R3HDM2: variants seen among roughly 807,000 people sequenced by gnomAD.
The protein encoded by R3HDM2 is R3H domain containing 2, also known as R3H domain-containing protein 2.
In R3HDM2, 38 loss-of-function variants were observed where a neutral mutation model predicts 124.5. That is an observed-to-expected ratio of 0.31 (90% CI 0.24 to 0.40). R3HDM2 has a LOEUF of 0.40. Ranked by LOEUF, R3HDM2 falls within the 10% of genes least tolerant of loss-of-function variation. R3HDM2 has a pLI of 1.00. For synonymous variants in R3HDM2, 391 were observed against 448.0 expected, an observed-to-expected ratio of 0.87 and a Z score of 1.61; for missense variants, 869 against 1,236.9, an observed-to-expected ratio of 0.70 and a Z score of 4.46.
At chr12:57,363,779 G>A (rs574583130) in intron 2 of R3HDM2, among the ~76,000 whole-genome samples, 1 of 152,074 alleles carries the variant, frequency 6.6e-6, no homozygotes, top group Non-Finnish European at 1.5e-5. Flanking sequence ...GGCTGAGGTT[G>A]GAGGACTGTC....
chr12:57,354,043 A>C (rs1258464963), intron 2 of R3HDM2, among the ~76,000 whole-genome samples: 14 of 151,832 alleles, frequency 9.2e-5, no homozygotes, highest in Admixed American at 9.2e-4. Flanking sequence ...TAGTAGAGAC[A>C]GGGTTTCACC....
At chr12:57,355,484 AAAAG>A (rs981004171) in intron 2 of R3HDM2, among the ~76,000 whole-genome samples, 56 of 151,810 alleles carry the variant, frequency 3.7e-4, no homozygotes, top group African/African-American at 1.1e-3. Flanking sequence ...AAAGAAAAAA[AAAAG>A]AAAGAAACAC....
chr12:57,290,257 G>GT (rs2048315169), intron 11 of R3HDM2, among the ~76,000 whole-genome samples: 1 of 152,212 alleles, frequency 6.6e-6, no homozygotes, highest in Non-Finnish European at 1.5e-5. Flanking sequence ...TTTTCCAGGT[G>GT]TAAGTGAAGC....
Position 57,345,371 on chromosome 12 carries a change from T to C in R3HDM2, c.-35-34908A>G, listed in dbSNP as rs140591676. On this transcript the variant is annotated intron_variant, in intron 2 of 23. Transcript: ENST00000402412. ...AGGATAAACACAAACAAATCCATGA[T>C]AAACTCCTGGATTCATCATAACCTA... Among the ~76,000 whole-genome samples the C allele has an allele frequency of 3.4e-4, 51 of 152,142 alleles. 1 individual carries two copies. The East Asian group carries it at 8.9e-3, about 26-fold the overall frequency.
intron 2 of R3HDM2, among the ~76,000 whole-genome samples, chr12:57,386,481 T>G (rs1417816357): frequency 6.6e-6 from 1 of 152,230 alleles, no homozygotes; most frequent in Non-Finnish European, 1.5e-5. Context: ...CTCGACTTCT[T>G]GCCGGGCCTT....
At chr12:57,313,563 CAAA>C (rs11306097) in intron 2 of R3HDM2, among the ~76,000 whole-genome samples, 5 of 142,740 alleles carry the variant, frequency 3.5e-5, no homozygotes, top group Non-Finnish European at 4.6e-5. Flanking sequence ...GACCTTGTCT[CAAA>C]AAAAAAAAAA....
intron 2 of R3HDM2, among the ~76,000 whole-genome samples, chr12:57,319,521 C>A (rs1043678177): frequency 1.7e-5 from 2 of 117,686 alleles, no homozygotes; most frequent in African/African-American, 5.5e-5. Flanking sequence ...GGTAGTTCCT[C>A]CCACCGGCCC....
chr12:57,288,771 G>T, intron 12 of R3HDM2: 1 of 1,188,490 alleles, frequency 8.4e-7, no homozygotes, highest in Non-Finnish European at 1.2e-6. Context: ...GCCATGCATG[G>T]AGCAAACCCA....
At chr12:57,357,477 A>AT (rs1054581457) in intron 2 of R3HDM2, among the ~76,000 whole-genome samples, 2 of 151,740 alleles carry the variant, frequency 1.3e-5, no homozygotes, top group African/African-American at 4.8e-5. Flanking sequence ...AAAAAAAAAA[A>AT]GGAATGGTTC....
chr12:57,256,036 T>C lies in R3HDM2; in HGVS notation c.2586A>G (p.Arg862=). 1 of 1,614,148 alleles carries C rather than the reference T, an allele frequency of 6.2e-7. No individual in the cohort carries two copies. The highest frequency in any genetic ancestry group is 1.3e-5 in the African/African-American group (1 of 75,048). Residue 862 remains arginine (R), a synonymous_variant, in exon 23 of 24, where the codon AGA becomes AGG. Transcript: ENST00000402412. ...SGLKHGNRGK[R]QALKSASTDL... ...CAGTGGAGGCAGATTTGAGTGCTTG[T>C]CTCTTGCCCCGGTTTCCATGCTTCA...
chr12:57,268,513 A>C, intron 17 of R3HDM2, 56 bp from the exon 18 acceptor site: 1 of 1,572,434 alleles, frequency 6.4e-7, no homozygotes, highest in South Asian at 1.1e-5. Flanking sequence ...GAGCTCATGC[A>C]GAAACAGCCT....
rs1394719495 is a variant in R3HDM2, at chr12:57,298,244, A to C, written c.422-76T>G. 3 of 1,131,876 alleles carry C rather than the reference A, an allele frequency of 2.7e-6. No individual in the cohort carries two copies. The Admixed American group carries it at 6.7e-5, about 25-fold the overall frequency. 70.1% of individuals were successfully genotyped at this position (1,131,876 alleles called of 1,614,324 possible). On this transcript the variant is annotated intron_variant, in intron 6 of 23. Transcript: ENST00000402412. ...GCTATCTAATCCTAAGCAGAAGTCC[A>C]CAACCTAACCAGGAGAAAAAAGAAT... is the stretch of plus-strand genomic sequence containing the variant.
intron 16 of R3HDM2, 40 bp downstream of exon 16, chr12:57,269,283 C>T (rs766390184): frequency 6.8e-6 from 11 of 1,610,042 alleles, no homozygotes; most frequent in Non-Finnish European, 9.3e-6. Context: ...GTGTGCCCTT[C>T]CCTTATTCAC....
At chr12:57,269,651 A>G in intron 15 of R3HDM2, 101 bp downstream of exon 15, 6 of 1,528,060 alleles carry the variant, frequency 3.9e-6, no homozygotes, top group Non-Finnish European at 5.3e-6. Context: ...CAAGGTAGGG[A>G]GAGGTATTCC....
intron 2 of R3HDM2, among the ~76,000 whole-genome samples, chr12:57,378,144 A>G (rs960169782): frequency 5.3e-5 from 8 of 152,166 alleles, no homozygotes; most frequent in Non-Finnish European, 1.0e-4. Context: ...GGATACTGTG[A>G]TTATATAATT....
intron 2 of R3HDM2, among the ~76,000 whole-genome samples, chr12:57,379,365 G>A (rs146984359): frequency 6.4e-4 from 97 of 152,306 alleles, no homozygotes; most frequent in Non-Finnish European, 1.2e-3. Context: ...CAGATCACCT[G>A]AGTTCAGAAG....
In R3HDM2 at chr12:57,298,080, A is replaced by G. The variant is rs944121954; in HGVS notation, c.500+10T>C. ...AACCCCTTTTCCTCTTATACCCATC[A>G]TGTTATTACCTTGGGTTCTTTTTCA... is the stretch of plus-strand genomic sequence containing the variant. On this transcript the variant is annotated intron_variant, in intron 7 of 23. Transcript: ENST00000402412. 1.8e-5 allele frequency: 27 copies of G among 1,541,882 alleles called. No homozygotes were observed. The highest frequency in any genetic ancestry group is 3.9e-5 in the Admixed American group (2 of 50,866).
chr12:57,313,882 G>GAAAAAAAAAAAAAAAAAAAAAAAA (rs869177467), intron 2 of R3HDM2, among the ~76,000 whole-genome samples: 2 of 60,494 alleles, frequency 3.3e-5, no homozygotes, highest in Non-Finnish European at 3.0e-5. Context: ...TCCTGTCTCT[G>GAAAAAAAAAAAAAAAAAAAAAAAA]AAAAAAAAAA....
chr12:57,403,100 A>G (rs2068192079), intron 1 of R3HDM2, among the ~76,000 whole-genome samples: 1 of 150,172 alleles, frequency 6.7e-6, no homozygotes, highest in South Asian at 2.1e-4. Context: ...TCATACCTGT[A>G]ATCCCAGCAC....
Sources: allele counts gnomAD v4.1 joint callset (sites outside exome capture counted in the v4.1 genomes callset), GRCh38; gene constraint gnomAD v4.1.1; transcripts MANE v1.5; gene names NCBI Gene and HGNC (gene_info 2026-07-23, HGNC 2026-07-21).